The following PCDHGA4 variants were observed in gnomAD, a reference collection of about 807,000 sequenced individuals.
PCDHGA4 encodes protocadherin gamma subfamily A, 4.
PCDHGA4 carries 38 observed loss-of-function variants against 54.6 expected under a neutral mutation model. The observed-to-expected ratio is 0.70, with a 90% CI of 0.54 to 0.91. The LOEUF (loss-of-function observed/expected upper bound fraction) is 0.91, where lower values mean the gene tolerates loss of function less well. PCDHGA4 is among the 40% of genes least tolerant of loss of function. The pLI is 0.00. For synonymous variants in PCDHGA4, 511 were observed against 512.9 expected (o/e 1.00, Z 0.05); for missense variants, 1,298 against 1,220.9 (o/e 1.06, Z -0.94).
chr5:141,485,177 C>T lies in PCDHGA4; in HGVS notation c.2515-9630C>T. ...AGAGAATTAGCGGGCGGCAGCAATG[C>T]TCCGCAAGGTGAGAAGCTGGACAGA... On this transcript the variant is annotated intron_variant, in intron 1 of 3. Coordinates refer to ENST00000571252, the MANE Select transcript of PCDHGA4 (RefSeq NM_018917.4). This position sits in a 1 kb window ranked among gnomAD's most constrained non-coding sequence, Gnocchi z 5.7. 1 of 1,612,024 alleles carries T rather than the reference C, an allele frequency of 6.2e-7. No homozygotes were observed. Among genetic ancestry groups the T allele is most frequent in the South Asian group, 1.1e-5 (1 of 90,956 alleles).
At chr5:141,360,759 T>C in intron 1 of PCDHGA4, 1 of 1,613,928 alleles carries the variant, frequency 6.2e-7, no homozygotes, top group Non-Finnish European at 8.5e-7. Context: ...ACAGTTTACA[T>C]CAATTGGTCC....
chr5:141,420,840 TC>T (rs1453160032), intron 1 of PCDHGA4, among the ~76,000 whole-genome samples: 1 of 152,250 alleles, frequency 6.6e-6, no homozygotes, highest in Admixed American at 6.5e-5. Flanking sequence ...TCGCAGGTGT[TC>T]TTGGTAAAGT....
At chr5:141,376,679 T>TTTTTG in intron 1 of PCDHGA4, 5 of 528,402 alleles carry the variant, frequency 9.5e-6, no homozygotes, top group Admixed American at 9.3e-5. Context: ...GGGTATCGTT[T>TTTTTG]TTTTTTTTTT....
At chr5:141,385,408 A>G in intron 1 of PCDHGA4, 1 of 1,478,414 alleles carries the variant, frequency 6.8e-7, no homozygotes, top group Middle Eastern at 1.8e-4. Flanking sequence ...TGTTTTGAAA[A>G]TAGGGATTTA....
chr5:141,407,651 G>A (rs1005294855), intron 1 of PCDHGA4, among the ~76,000 whole-genome samples: 1 of 151,926 alleles, frequency 6.6e-6, no homozygotes, highest in African/African-American at 2.4e-5. Flanking sequence ...AATAATGGGG[G>A]AGCGCAGTAT....
Position 141,485,092 on chromosome 5 carries a change from G to C in PCDHGA4, c.2515-9715G>C, listed in dbSNP as rs2099606725. 3.8e-6 allele frequency: 4 copies of C among 1,065,492 alleles called. No homozygotes were observed. Among genetic ancestry groups the C allele is most frequent in the Non-Finnish European group, 5.6e-6 (4 of 708,358 alleles). The allele number at this position is 1,065,492 out of a possible 1,614,324, so 66.0% of individuals were successfully genotyped here. A position where few individuals can be genotyped will look rare whatever the true frequency, so the allele number is the denominator to read the frequency against. Reference sequence around the variant, plus strand: ...CTGGCGCGGGGAAAGGGAGATAGGTGTCTCCAGCTGCTGTGGCTGTTTGGG... The same window carrying C: ...CTGGCGCGGGGAAAGGGAGATAGGTCTCTCCAGCTGCTGTGGCTGTTTGGG... On this transcript the variant is annotated intron_variant, in intron 1 of 3. Coordinates refer to ENST00000571252, the MANE Select transcript of PCDHGA4 (RefSeq NM_018917.4). This position sits in a 1 kb window ranked among gnomAD's most constrained non-coding sequence, Gnocchi z 5.7.
At chr5:141,359,473 T>A (rs1049508652) in intron 1 of PCDHGA4, among the ~76,000 whole-genome samples, 1 of 151,406 alleles carries the variant, frequency 6.6e-6, no homozygotes, top group Non-Finnish European at 1.5e-5. Context: ...TTAAACAAAT[T>A]GTTGTATATT....
At chr5:141,418,065 G>T in intron 1 of PCDHGA4, 1 of 1,614,064 alleles carries the variant, frequency 6.2e-7, no homozygotes, top group East Asian at 2.2e-5. Context: ...CTGCGAGTGA[G>T]CGCGGAGAAG....
At position 141,486,653 on chromosome 5, in the gene PCDHGA4, C is replaced by A; in HGVS notation, c.2515-8154C>A. 1 of 1,613,968 alleles carries A rather than the reference C, an allele frequency of 6.2e-7. No homozygotes were observed. Among genetic ancestry groups the A allele is most frequent in the Non-Finnish European group, 8.5e-7 (1 of 1,180,034 alleles). On this transcript the variant is annotated intron_variant, in intron 1 of 3. Coordinates refer to ENST00000571252, the MANE Select transcript of PCDHGA4 (RefSeq NM_018917.4). This position sits in a 1 kb window ranked among gnomAD's most constrained non-coding sequence, Gnocchi z 5.0. ...CTTGAATGCGCTTATCTCCTACTCA[C>A]TCCTGGAGCCCAGGAATCGAGATGT... is the stretch of plus-strand genomic sequence containing the variant.
intron 1 of PCDHGA4, among the ~76,000 whole-genome samples, chr5:141,402,286 C>T (rs2094248272): frequency 6.6e-6 from 1 of 151,638 alleles, no homozygotes; most frequent in Non-Finnish European, 1.5e-5. Flanking sequence ...ATAATCTATC[C>T]TTATATATGT....
intron 1 of PCDHGA4, chr5:141,403,621 C>T: frequency 6.2e-7 from 1 of 1,613,926 alleles, no homozygotes; most frequent in Non-Finnish European, 8.5e-7. Flanking sequence ...CGCGTCGCTC[C>T]AGCACAGTGC....
chr5:141,451,739 G>A (rs1343538104), intron 1 of PCDHGA4, among the ~76,000 whole-genome samples: 1 of 152,082 alleles, frequency 6.6e-6, no homozygotes, highest in East Asian at 1.9e-4. Flanking sequence ...AAAATTAGCT[G>A]GTCTGGTGGT....
In PCDHGA4 at chr5:141,485,865, C is replaced by T. The variant is rs1214425261; in HGVS notation, c.2515-8942C>T. The stretch of plus-strand genomic sequence containing the variant: ...TCTGGCACCGCAGAGCTCCGGGTAT[C>T]CGTGCTGGACGTAAACGACAACGCC... On this transcript the variant is annotated intron_variant, in intron 1 of 3. Transcript: ENST00000571252. The surrounding 1 kb of genome is among the most constrained non-coding windows in gnomAD (Gnocchi z 5.7). 23 of 1,614,182 alleles carry T rather than the reference C, an allele frequency of 1.4e-5. No homozygotes were observed. Among genetic ancestry groups the T allele is most frequent in the Non-Finnish European group, 1.8e-5 (21 of 1,180,034 alleles).
chr5:141,423,551 A>T, intron 1 of PCDHGA4: 2 of 1,613,616 alleles, frequency 1.2e-6, no homozygotes, highest in Non-Finnish European at 1.7e-6. Context: ...CCCCAGCCCA[A>T]CTATGGGGAC....
intron 1 of PCDHGA4, chr5:141,414,540 C>A (rs1158346953): frequency 1.2e-5 from 19 of 1,613,948 alleles, no homozygotes; most frequent in Non-Finnish European, 1.5e-5. Context: ...ACCCACCTAC[C>A]TTCTCTCAAG....
rs1168799961 is a variant in PCDHGA4, at chr5:141,487,844, A to G, written c.2515-6963A>G. ...CGGGTCATGCCTATATCTGAGTAAG[A>G]AATGAAAGTAATTGGTGATCAAGAG... On this transcript the variant is annotated intron_variant, in intron 1 of 3. Coordinates refer to ENST00000571252, the MANE Select transcript of PCDHGA4 (RefSeq NM_018917.4). The surrounding 1 kb of genome is among the most constrained non-coding windows in gnomAD (Gnocchi z 5.0). 2 of 1,043,076 alleles carry G rather than the reference A, an allele frequency of 1.9e-6. No homozygotes were observed. Among genetic ancestry groups the G allele is most frequent in the Non-Finnish European group, 2.7e-6 (2 of 730,916 alleles). The allele number at this position is 1,043,076 out of a possible 1,614,324, so 64.6% of individuals were successfully genotyped here.
intron 1 of PCDHGA4, chr5:141,374,486 A>C: frequency 6.2e-7 from 1 of 1,611,570 alleles, no homozygotes; most frequent in Non-Finnish European, 8.5e-7. Context: ...CCGATTCTTA[A>C]AGGAAGAATT....
intron 1 of PCDHGA4, chr5:141,400,053 G>C: frequency 6.2e-7 from 1 of 1,613,736 alleles, no homozygotes; most frequent in Non-Finnish European, 8.5e-7. Flanking sequence ...TGGTTGCTGT[G>C]CGTGATGGTG....
At chr5:141,429,396 T>A (rs2097212352) in intron 1 of PCDHGA4, among the ~76,000 whole-genome samples, 1 of 151,520 alleles carries the variant, frequency 6.6e-6, no homozygotes, top group African/African-American at 2.4e-5. Context: ...TTAAAAAAAA[T>A]TGAGATTAAG....
Sources: allele counts gnomAD v4.1 joint callset (sites outside exome capture counted in the v4.1 genomes callset), GRCh38; gene constraint gnomAD v4.1.1; non-coding constraint Gnocchi (gnomAD v3.1); transcripts MANE v1.5; gene names NCBI Gene and HGNC (gene_info 2026-07-23, HGNC 2026-07-21).